Variants in RBFOX1 observed in about 807,000 individuals in gnomAD.
RBFOX1 encodes the protein RNA binding fox-1 homolog 1.
RBFOX1 carries 8 observed loss-of-function variants against 57.7 expected under a neutral mutation model. The ratio of observed to expected loss-of-function variants is 0.14; its 90% CI spans 0.08 to 0.25. The LOEUF (loss-of-function observed/expected upper bound fraction) is 0.25, where lower values mean the gene tolerates loss of function less well. Ranked by LOEUF, RBFOX1 falls within the 10% of genes least tolerant of loss-of-function variation. The pLI, the probability that RBFOX1 is intolerant of heterozygous loss-of-function variation, is 1.00. For missense variants in RBFOX1, 611 were observed against 548.5 expected (o/e 1.11, Z -1.14); for synonymous variants, 326 against 222.4 (o/e 1.47, Z -4.15).
chr16:5,963,651 A>G (rs113340628), intron 4 of RBFOX1, among the ~76,000 whole-genome samples: 1,704 of 152,324 alleles, frequency 0.011, 35 homozygotes, highest in African/African-American at 0.038. Context: ...AGAACCTGCA[A>G]TGGGGAAAGG....
intron 4 of RBFOX1, among the ~76,000 whole-genome samples, chr16:7,141,489 A>G (rs2073775203): frequency 6.6e-6 from 1 of 152,232 alleles, no homozygotes; most frequent in South Asian, 2.1e-4. Context: ...CAATGAGAGC[A>G]TAAAGCACGG....
intron 4 of RBFOX1, among the ~76,000 whole-genome samples, chr16:7,513,171 G>A (rs1044366557): frequency 2.0e-5 from 3 of 152,134 alleles, no homozygotes; most frequent in Non-Finnish European, 4.4e-5. Context: ...GCTGAGGCAG[G>A]AGAATCACTT....
intron 1 of RBFOX1, among the ~76,000 whole-genome samples, chr16:5,279,991 A>T (rs569627142): frequency 6.6e-5 from 10 of 152,282 alleles, no homozygotes; most frequent in African/African-American, 2.2e-4. Context: ...GGAGTGGTGA[A>T]AGTGGGTATC....
chr16:7,395,361 C>G (rs995289595), intron 4 of RBFOX1, among the ~76,000 whole-genome samples: 51 of 152,348 alleles, frequency 3.3e-4, no homozygotes, highest in African/African-American at 1.1e-3. Context: ...TTATTTCTTA[C>G]TACTAATTCC....
At chr16:5,280,871 A>G (rs2063255929) in intron 1 of RBFOX1, among the ~76,000 whole-genome samples, 1 of 141,374 alleles carries the variant, frequency 7.1e-6, no homozygotes, top group Admixed American at 7.0e-5. Flanking sequence ...AATTTTGTTT[A>G]ACTTTTCAAA....
chr16:7,077,075 G>A (rs968506807), intron 4 of RBFOX1, among the ~76,000 whole-genome samples: 1 of 152,180 alleles, frequency 6.6e-6, no homozygotes, highest in Non-Finnish European at 1.5e-5. Context: ...GGTTTTCTTT[G>A]CACAGACTTC....
intron 4 of RBFOX1, among the ~76,000 whole-genome samples, chr16:7,454,717 A>C (rs966976177): frequency 1.3e-5 from 2 of 152,178 alleles, no homozygotes; most frequent in Admixed American, 1.3e-4. Context: ...CTAAGCCAAG[A>C]TCCAACCATC....
intron 4 of RBFOX1, among the ~76,000 whole-genome samples, chr16:7,232,698 G>C (rs866727896): frequency 6.6e-6 from 1 of 151,890 alleles, no homozygotes; most frequent in Non-Finnish European, 1.5e-5. Context: ...AAAATTAGCT[G>C]GGTGTGGTGG....
intron 4 of RBFOX1, among the ~76,000 whole-genome samples, chr16:5,906,422 A>G (rs527684837): frequency 2.6e-5 from 4 of 152,296 alleles, no homozygotes; most frequent in African/African-American, 9.6e-5. Flanking sequence ...ACTGCATGCT[A>G]GGGTAGAGCT....
chr16:7,508,631 G>T (rs1203767775), intron 4 of RBFOX1, among the ~76,000 whole-genome samples: 1 of 152,094 alleles, frequency 6.6e-6, no homozygotes, highest in Non-Finnish European at 1.5e-5. Flanking sequence ...ACGTAAGGAC[G>T]GGCACAAATA....
chr16:5,579,356 C>T (rs11643962), intron 2 of RBFOX1, among the ~76,000 whole-genome samples: 28 of 151,918 alleles, frequency 1.8e-4, no homozygotes, highest in African/African-American at 6.0e-4. Flanking sequence ...CTAATCTCCT[C>T]TTTCTCATCA....
At chr16:5,757,586 G>T (rs1212055498) in intron 3 of RBFOX1, among the ~76,000 whole-genome samples, 1 of 152,102 alleles carries the variant, frequency 6.6e-6, no homozygotes, top group Non-Finnish European at 1.5e-5. Flanking sequence ...AACTGATAGG[G>T]TGTTGGTTAT....
intron 2 of RBFOX1, among the ~76,000 whole-genome samples, chr16:5,486,970 G>T (rs1403056191): frequency 6.6e-6 from 1 of 151,986 alleles, no homozygotes; most frequent in Non-Finnish European, 1.5e-5. Flanking sequence ...GGAGACTCCG[G>T]TCCCCTGTAA....
chr16:7,535,299 G>C (rs1352061584), intron 5 of RBFOX1, among the ~76,000 whole-genome samples: 2 of 152,162 alleles, frequency 1.3e-5, no homozygotes, highest in Non-Finnish European at 2.9e-5. Flanking sequence ...CTGTAGCTGG[G>C]AGCCTGGAAT....
rs5815409 is a variant in RBFOX1, at chr16:7,564,540, CAAAAAAAAAAA to C, written c.271-15219_271-15209del. ...TGGCTGACAGAGCAAGACTCCATCT[CAAAAAAAAAAA>C]AAAAAAAAAAAAAAAAAGGCACTCA... On this transcript the variant is annotated intron_variant, in intron 5 of 15. Transcript: ENST00000550418. Among the ~76,000 whole-genome samples the C allele has an allele frequency of 2.1e-4, 17 of 82,520 alleles. No homozygotes were observed. In the East Asian group the frequency reaches 5.7e-3, roughly 27 times the overall value. 54.1% of individuals were successfully genotyped at this position (82,520 alleles called of 152,430 possible). A position where few individuals can be genotyped will look rare whatever the true frequency, so the allele number is the denominator to read the frequency against.
intron 4 of RBFOX1, among the ~76,000 whole-genome samples, chr16:7,166,052 T>C (rs1010733383): frequency 2.6e-5 from 4 of 151,980 alleles, no homozygotes; most frequent in Non-Finnish European, 5.9e-5. Flanking sequence ...CTCATTCTGT[T>C]GCCCAGGTTG....
chr16:6,052,189 C>G (rs1351128540), intron 1 of RBFOX1, among the ~76,000 whole-genome samples: 2 of 152,134 alleles, frequency 1.3e-5, no homozygotes, highest in African/African-American at 4.8e-5. Flanking sequence ...CCTCCGTTTC[C>G]AGTCCCATAA....
intron 1 of RBFOX1, among the ~76,000 whole-genome samples, chr16:5,276,880 A>G (rs1474218233): frequency 6.6e-6 from 1 of 152,234 alleles, no homozygotes; most frequent in Non-Finnish European, 1.5e-5. Context: ...GGAAAGCAGT[A>G]TGGAGATTCC....
Position 6,772,546 on chromosome 16 carries a change from T to C in RBFOX1, c.-16+117896T>C, listed in dbSNP as rs998894621. ...TGGGTATGGGGCGCATTTGTGAGTGTATGTGTATGTGTGGGGTGCATTTGT... is the reference window on the plus strand; with the variant it reads ...TGGGTATGGGGCGCATTTGTGAGTGCATGTGTATGTGTGGGGTGCATTTGT... On this transcript the variant is annotated intron_variant, in intron 3 of 15. Transcript: ENST00000550418. Among the ~76,000 whole-genome samples the C allele has an allele frequency of 2.6e-5, 4 of 151,500 alleles. No individual in the cohort carries two copies. The South Asian group carries it at 8.3e-4, about 32-fold the overall frequency.
Sources: gnomAD v4.1 joint callset for allele counts (sites outside exome capture counted in the v4.1 genomes callset) on GRCh38, gnomAD v4.1.1 for gene constraint, MANE v1.5 for transcripts, NCBI Gene and HGNC (gene_info 2026-07-23, HGNC 2026-07-21) for gene names.